Variants in FER observed in about 807,000 individuals in gnomAD.
FER encodes FER tyrosine kinase.
A neutral mutation model predicts 111.0 loss-of-function variants in FER; 63 were observed. The observed-to-expected ratio is 0.57, with a 90% confidence interval of 0.46 to 0.70. The LOEUF (loss-of-function observed/expected upper bound fraction) is 0.70, where lower values mean the gene tolerates loss of function less well. Among genes scored for constraint, FER ranks in the 30% least tolerant of loss-of-function variants. The pLI is 0.00. For missense variants in FER, 914 were observed against 954.0 expected, an observed-to-expected ratio of 0.96 and a Z score of 0.55; for synonymous variants, 327 against 313.9, an observed-to-expected ratio of 1.04 and a Z score of -0.44.
intron 10 of FER, among the ~76,000 whole-genome samples, chr5:108,903,958 C>T (rs954563211): frequency 6.6e-6 from 1 of 152,130 alleles, no homozygotes; most frequent in Non-Finnish European, 1.5e-5. Flanking sequence ...GATATGCCTG[C>T]TGTTCTTTTT....
intron 13 of FER, among the ~76,000 whole-genome samples, chr5:108,984,748 A>T (rs973919158): frequency 7.9e-5 from 12 of 152,126 alleles, no homozygotes; most frequent in African/African-American, 2.9e-4. Context: ...ATCAAAAATC[A>T]ATTGGAAAGG....
In FER at chr5:108,815,191, G is replaced by A. The variant is rs561117172; in HGVS notation, c.207+16802G>A. 3.9e-5 allele frequency among the ~76,000 whole-genome samples: 6 copies of A among 152,190 alleles called. No individual in the cohort carries two copies. The South Asian group carries it at 1.2e-3, about 32-fold the overall frequency. On this transcript the variant is annotated intron_variant, in intron 3 of 19. Transcript: ENST00000281092. ...ATGCTGCAATGGATAACTTTGAATAGGTGTATTTTTGTAACATGGGTGTCT... is the reference window on the plus strand; with the variant it reads ...ATGCTGCAATGGATAACTTTGAATAAGTGTATTTTTGTAACATGGGTGTCT...
At chr5:109,028,167 C>T (rs1263005124) in intron 13 of FER, among the ~76,000 whole-genome samples, 2 of 152,098 alleles carry the variant, frequency 1.3e-5, no homozygotes, top group African/African-American at 4.8e-5. Flanking sequence ...ATAACTCTGC[C>T]AGTTATATTG....
At chr5:108,890,590 CTCT>C (rs1445642243) in intron 9 of FER, among the ~76,000 whole-genome samples, 1 of 152,004 alleles carries the variant, frequency 6.6e-6, no homozygotes, top group Non-Finnish European at 1.5e-5. Context: ...CCAAATTTTC[CTCT>C]TCTTATAAGG....
chr5:109,012,658 G>C (rs2149806932), intron 13 of FER, among the ~76,000 whole-genome samples: 1 of 152,350 alleles, frequency 6.6e-6, no homozygotes, highest in Non-Finnish European at 1.5e-5. Flanking sequence ...ATATTGGAGA[G>C]TTTTGTTCAA....
At chr5:109,039,728 A>G (rs2149888406) in intron 14 of FER, among the ~76,000 whole-genome samples, 1 of 152,206 alleles carries the variant, frequency 6.6e-6, no homozygotes, top group Admixed American at 6.5e-5. Context: ...GCAAGAGGGA[A>G]TGTGATAGGA....
chr5:108,805,376 A>G (rs1757096789), intron 3 of FER, among the ~76,000 whole-genome samples: 1 of 152,216 alleles, frequency 6.6e-6, no homozygotes, highest in African/African-American at 2.4e-5. Flanking sequence ...CTCAGGTATC[A>G]GCAGCATGAA....
At chr5:108,965,062 G>C (rs898288887) in intron 13 of FER, among the ~76,000 whole-genome samples, 1 of 151,884 alleles carries the variant, frequency 6.6e-6, no homozygotes, top group Non-Finnish European at 1.5e-5. Context: ...TGAAAAAAAC[G>C]TTCTGAACTG....
chr5:108,990,651 T>C (rs563680026), intron 13 of FER, among the ~76,000 whole-genome samples: 2 of 151,696 alleles, frequency 1.3e-5, no homozygotes, highest in Admixed American at 6.6e-5. Context: ...TATTTGGGAG[T>C]TGAAAGAGAT....
At chr5:109,038,146 A>G (rs1293194111) in intron 14 of FER, among the ~76,000 whole-genome samples, 2 of 152,032 alleles carry the variant, frequency 1.3e-5, no homozygotes, top group Non-Finnish European at 3.0e-5. Flanking sequence ...AATTAACCAA[A>G]TGGACTATTT....
At chr5:108,793,154 C>G (rs896842032) in intron 2 of FER, among the ~76,000 whole-genome samples, 3 of 152,204 alleles carry the variant, frequency 2.0e-5, no homozygotes, top group Non-Finnish European at 4.4e-5. Context: ...TCCCAACTTT[C>G]CCCCTGCTTC....
chr5:109,052,355 G>A, intron 16 of FER: 6 of 1,588,864 alleles, frequency 3.8e-6, no homozygotes, highest in Non-Finnish European at 5.2e-6. Flanking sequence ...TTCAGCAGCA[G>A]GATTTGGAAA....
At chr5:109,015,497 C>T (rs1437930266) in intron 13 of FER, among the ~76,000 whole-genome samples, 1 of 151,876 alleles carries the variant, frequency 6.6e-6, no homozygotes, top group Admixed American at 6.6e-5. Flanking sequence ...TCTTGATACA[C>T]TCTGGAGCTA....
intron 16 of FER, among the ~76,000 whole-genome samples, chr5:109,069,274 T>C (rs948217689): frequency 1.3e-5 from 2 of 152,182 alleles, no homozygotes; most frequent in Non-Finnish European, 2.9e-5. Context: ...AAAATGCTTA[T>C]TTGTAATAGG....
At chr5:109,092,821 G>A (rs899947855) in intron 16 of FER, among the ~76,000 whole-genome samples, 10 of 152,056 alleles carry the variant, frequency 6.6e-5, no homozygotes, top group African/African-American at 9.7e-5. Flanking sequence ...TGTTCATTTC[G>A]GTGTGATTCA....
chr5:108,973,073 G>T (rs72789328), intron 13 of FER, among the ~76,000 whole-genome samples: 5,113 of 152,164 alleles, frequency 0.034, 118 homozygotes, highest in Middle Eastern at 0.13. Context: ...ACACCTTGAT[G>T]AGATTTCTCT....
At chr5:108,790,600 A>C (rs953375716) in intron 2 of FER, among the ~76,000 whole-genome samples, 2 of 152,234 alleles carry the variant, frequency 1.3e-5, no homozygotes, top group African/African-American at 4.8e-5. Flanking sequence ...AGCTTATGCT[A>C]ACTGATCTTT....
At chr5:108,975,966 T>G (rs1004726937) in intron 13 of FER, among the ~76,000 whole-genome samples, 1 of 152,156 alleles carries the variant, frequency 6.6e-6, no homozygotes, top group Admixed American at 6.5e-5. Context: ...TATGTGACAT[T>G]TCCAAATAGA....
chr5:109,110,692 A>G (rs971801256), intron 17 of FER, among the ~76,000 whole-genome samples: 1 of 152,062 alleles, frequency 6.6e-6, no homozygotes, highest in Non-Finnish European at 1.5e-5. Context: ...GTACATGTGC[A>G]CAATGTGCAG....
Sources: gnomAD v4.1 joint callset for allele counts (sites outside exome capture counted in the v4.1 genomes callset) on GRCh38, gnomAD v4.1.1 for gene constraint, MANE v1.5 for transcripts, NCBI Gene and HGNC (gene_info 2026-07-23, HGNC 2026-07-21) for gene names.